The following TAF15 variants were observed in gnomAD, a reference collection of about 807,000 sequenced individuals.
TAF15 encodes the protein TATA-binding protein-associated factor 2N.
Under a neutral mutation model 102.5 loss-of-function variants are expected in TAF15, and 37 were observed. The ratio of observed to expected loss-of-function variants is 0.36; its 90% CI spans 0.28 to 0.47. The LOEUF (loss-of-function observed/expected upper bound fraction) is 0.47. Among genes scored for constraint, TAF15 ranks in the 20% least tolerant of loss-of-function variants. The probability of loss-of-function intolerance (pLI) is 0.99; values close to 1 mark genes in which losing one functional copy is unlikely to be tolerated. For synonymous variants in TAF15, 273 were observed against 259.2 expected (o/e 1.05, Z -0.51); for missense variants, 652 against 760.7 (o/e 0.86, Z 1.68).
chr17:35,846,381 T>C (rs1187308026), intron 15 of TAF15, among the ~76,000 whole-genome samples: 1 of 152,236 alleles, frequency 6.6e-6, no homozygotes, highest in Admixed American at 6.5e-5. Context: ...TTAGTAATTA[T>C]GAGTAACCTA....
At chr17:35,816,861 C>T (rs1390075543) in intron 1 of TAF15, 1 of 105,250 alleles carries the variant, frequency 9.5e-6, no homozygotes, top group East Asian at 3.3e-4. Flanking sequence ...GTCATTCAGT[C>T]GTGCAGGCTG....
intron 7 of TAF15, among the ~76,000 whole-genome samples, chr17:35,830,961 A>G (rs114911773): frequency 8.1e-4 from 123 of 152,256 alleles, no homozygotes; most frequent in African/African-American, 2.7e-3. Flanking sequence ...ACATGTCCAG[A>G]TTTTCAAGAT....
chr17:35,815,499 G>A (rs527280751), intron 1 of TAF15, among the ~76,000 whole-genome samples: 3 of 152,308 alleles, frequency 2.0e-5, no homozygotes, highest in African/African-American at 7.2e-5. Context: ...GGGCTGAAAT[G>A]ACTGGGTTAA....
At position 35,844,177 on chromosome 17, in the gene TAF15, T is replaced by C; in HGVS notation, c.1088+19T>C. On this transcript the variant is annotated intron_variant, in intron 13 of 15. Transcript: ENST00000605844. ...CTAATCCGTAAGTGTCTTGTTTACT[T>C]TGGTGAGAGTAGGGGTTGGGATTGG... is the stretch of plus-strand genomic sequence containing the variant. The C allele has an allele frequency of 6.2e-7, 1 of 1,613,636 alleles. No individual in the cohort carries two copies. The highest frequency in any genetic ancestry group is 8.5e-7 in the Non-Finnish European group (1 of 1,179,712).
intron 1 of TAF15, chr17:35,811,638 G>A (rs879006163): frequency 2.0e-5 from 3 of 152,122 alleles, no homozygotes; most frequent in Non-Finnish European, 2.9e-5. Context: ...GACTACACAT[G>A]TAAATTTAAT....
Position 35,844,231 on chromosome 17 carries a change from G to A in TAF15, c.1089-49G>A, listed in dbSNP as rs1209987059. ...TGTGGAGGATACAGAAAGGGGTTCT[G>A]AGTCCATTAGAAACTATATAGGAGC... is the stretch of plus-strand genomic sequence containing the variant. On this transcript the variant is annotated intron_variant, in intron 13 of 15. Transcript: ENST00000605844. 2.5e-6 allele frequency: 4 copies of A among 1,611,814 alleles called. No homozygotes were observed. In the East Asian group the frequency reaches 8.9e-5, roughly 36 times the overall value.
intron 10 of TAF15, among the ~76,000 whole-genome samples, chr17:35,837,435 G>A (rs1416825869): frequency 6.6e-6 from 1 of 152,060 alleles, no homozygotes; most frequent in African/African-American, 2.4e-5. Flanking sequence ...GGGATTACAG[G>A]CGTGATCCAC....
intron 1 of TAF15, among the ~76,000 whole-genome samples, chr17:35,814,872 G>GTATA (rs200841363): frequency 2.0e-5 from 3 of 151,018 alleles, no homozygotes; most frequent in African/African-American, 7.3e-5. Context: ...AAGTGTGTGT[G>GTATA]TATATATATA....
intron 2 of TAF15, among the ~76,000 whole-genome samples, chr17:35,819,013 C>T (rs1437052247): frequency 6.6e-6 from 1 of 152,052 alleles, no homozygotes; most frequent in African/African-American, 2.4e-5. Context: ...TGTATATATG[C>T]AGTGGGCTTC....
At chr17:35,828,777 TAAA>T (rs11348556) in intron 7 of TAF15, among the ~76,000 whole-genome samples, 3 of 136,478 alleles carry the variant, frequency 2.2e-5, no homozygotes, top group African/African-American at 2.7e-5. Flanking sequence ...TTCAAATGTT[TAAA>T]AAAAAAAAAA....
chr17:35,827,004 T>C (rs2087338637), intron 7 of TAF15, among the ~76,000 whole-genome samples: 1 of 152,104 alleles, frequency 6.6e-6, no homozygotes, highest in African/African-American at 2.4e-5. Flanking sequence ...GATTTTTTTT[T>C]CCCACACAGT....
chr17:35,834,349 G>A (rs2087444296), intron 8 of TAF15: 4 of 570,250 alleles, frequency 7.0e-6, no homozygotes, highest in African/African-American at 3.8e-5. Flanking sequence ...GGCAGGTGCT[G>A]TCTAGGACAA....
intron 7 of TAF15, among the ~76,000 whole-genome samples, chr17:35,824,921 TAA>T (rs59417180): frequency 0.17 from 24,266 of 146,854 alleles, 2,146 homozygotes; most frequent in East Asian, 0.33. Flanking sequence ...ACTTTGACTG[TAA>T]AAAAAAAAAA....
At chr17:35,845,527 A>G (rs1428771941) in intron 15 of TAF15, among the ~76,000 whole-genome samples, 1 of 152,114 alleles carries the variant, frequency 6.6e-6, no homozygotes, top group Non-Finnish European at 1.5e-5. Flanking sequence ...AAGTGTTTGG[A>G]TTACAGATGT....
chr17:35,836,985 G>A (rs1193013465), intron 10 of TAF15, among the ~76,000 whole-genome samples: 1 of 152,078 alleles, frequency 6.6e-6, no homozygotes, highest in African/African-American at 2.4e-5. Context: ...TGTTGGCCAG[G>A]ATGGTCTTGA....
chr17:35,813,312 C>T (rs1269180142), intron 1 of TAF15, among the ~76,000 whole-genome samples: 1 of 151,740 alleles, frequency 6.6e-6, no homozygotes, highest in Non-Finnish European at 1.5e-5. Context: ...TGTGATCTTC[C>T]AGCATTCAAT....
chr17:35,811,909 A>G (rs1199177217), intron 1 of TAF15, among the ~76,000 whole-genome samples: 1 of 152,212 alleles, frequency 6.6e-6, no homozygotes, highest in Non-Finnish European at 1.5e-5. Context: ...AAATGGAAAA[A>G]CTAAGAAAGG....
rs770549195 is a variant in TAF15 at position 35,844,657 on chromosome 17, G to T, written c.1358G>T (p.Gly453Val). 1 of 1,599,726 alleles carries T rather than the reference G, an allele frequency of 6.3e-7. No homozygotes were observed. The highest frequency in any genetic ancestry group is 8.5e-7 in the Non-Finnish European group (1 of 1,171,822). ...GGGYGGDRSGGGYGGDRGGGY... is the reference protein window; with the variant it reads ...GGGYGGDRSGVGYGGDRGGGY... ...GGCTATGGTGGAGACAGAAGTGGGG[G>T]TGGCTATGGTGGGGACAGAGGCGGC... is the stretch of plus-strand genomic sequence containing the variant. The change falls in exon 15 of 16, where the codon GGT becomes GTT. Residue 453 changes from glycine (G) to valine (V), a missense_variant. Physicochemically the swap from Gly to Val is moderately radical, Grantham distance 109. This residue lies in a region of TAF15 where 368 missense variants were observed against 367.5 expected (regional missense o/e 1.00). Coordinates refer to ENST00000605844, the MANE Select transcript of TAF15 (RefSeq NM_139215.3).
chr17:35,818,028 CCT>C (rs2087215024), intron 2 of TAF15, among the ~76,000 whole-genome samples: 2 of 152,072 alleles, frequency 1.3e-5, no homozygotes, highest in African/African-American at 4.8e-5. Flanking sequence ...CTTAAGCGAT[CCT>C]CCTGCCTCAG....
Sources: gnomAD v4.1 joint callset for allele counts (sites outside exome capture counted in the v4.1 genomes callset) on GRCh38, gnomAD v4.1.1 for gene constraint, gnomAD v4.1.1 regional missense constraint, MANE v1.5 for transcripts, NCBI Gene and HGNC (gene_info 2026-07-23, HGNC 2026-07-21) for gene names.